FGF12: variants seen among roughly 807,000 people sequenced by gnomAD.
The protein encoded by FGF12 is fibroblast growth factor 12B.
FGF12 carries 14 observed loss-of-function variants against 23.6 expected under a neutral mutation model. The ratio of observed to expected loss-of-function variants is 0.59; its 90% CI spans 0.39 to 0.93. The LOEUF (loss-of-function observed/expected upper bound fraction) is 0.93, where lower values mean the gene tolerates loss of function less well. Among genes scored for constraint, FGF12 ranks in the 40% least tolerant of loss-of-function variants. FGF12 has a pLI of 0.00. For missense variants in FGF12, 175 were observed against 217.8 expected (o/e 0.80, Z 1.24); for synonymous variants, 62 against 77.3 (o/e 0.80, Z 1.04).
intron 2 of FGF12, among the ~76,000 whole-genome samples, chr3:192,725,360 G>A (rs530872541): frequency 2.0e-5 from 3 of 150,850 alleles, no homozygotes; most frequent in Non-Finnish European, 1.5e-5. Flanking sequence ...AAAAGTCTTC[G>A]TTGCCTTTGG....
At chr3:192,147,526 A>C (rs1192173293) in intron 5 of FGF12, among the ~76,000 whole-genome samples, 2 of 152,244 alleles carry the variant, frequency 1.3e-5, no homozygotes, top group African/African-American at 4.8e-5. Flanking sequence ...TGCAAAACGT[A>C]AACGAAAATC....
chr3:192,562,454 A>G (rs976536317), intron 2 of FGF12, among the ~76,000 whole-genome samples: 6 of 152,210 alleles, frequency 3.9e-5, no homozygotes, highest in Non-Finnish European at 7.3e-5. Context: ...GAAGTAAATA[A>G]TAAGAAAAAC....
At chr3:192,428,289 TAGAAAC>T (rs1333155364) in intron 2 of FGF12, among the ~76,000 whole-genome samples, 4 of 152,134 alleles carry the variant, frequency 2.6e-5, no homozygotes, top group Admixed American at 2.6e-4. Flanking sequence ...TTCCTCCTTT[TAGAAAC>T]AGTCAGTTTA....
At chr3:192,304,691 A>G (rs1211498388) in intron 4 of FGF12, among the ~76,000 whole-genome samples, 2 of 152,212 alleles carry the variant, frequency 1.3e-5, no homozygotes, top group Non-Finnish European at 1.5e-5. Flanking sequence ...AACAGGTCAC[A>G]ATGGCCAGTA....
chr3:192,472,432 A>G (rs1406188191), intron 2 of FGF12, among the ~76,000 whole-genome samples: 1 of 152,070 alleles, frequency 6.6e-6, no homozygotes, highest in Non-Finnish European at 1.5e-5. Context: ...ATGAAACTTA[A>G]CATTTCCTTT....
chr3:192,636,675 T>C (rs1715596498), intron 2 of FGF12, among the ~76,000 whole-genome samples: 1 of 152,210 alleles, frequency 6.6e-6, no homozygotes, highest in South Asian at 2.1e-4. Context: ...CTCTGCCTGC[T>C]GAATCCTTCT....
At chr3:192,416,671 T>G (rs1451748716) in intron 2 of FGF12, among the ~76,000 whole-genome samples, 1 of 152,104 alleles carries the variant, frequency 6.6e-6, no homozygotes, top group Non-Finnish European at 1.5e-5. Flanking sequence ...TTAAAAACAT[T>G]GAAGAATTCT....
At chr3:192,433,824 G>T (rs1434859535) in intron 2 of FGF12, among the ~76,000 whole-genome samples, 1 of 152,194 alleles carries the variant, frequency 6.6e-6, no homozygotes, top group Admixed American at 6.5e-5. Flanking sequence ...TCCCCATGGG[G>T]TATGTTCACA....
intron 2 of FGF12, among the ~76,000 whole-genome samples, chr3:192,521,638 T>A (rs757906241): frequency 7.9e-5 from 12 of 152,074 alleles, no homozygotes; most frequent in Non-Finnish European, 1.8e-4. Context: ...CCCTATAAAT[T>A]ATACACATTT....
At chr3:192,498,095 C>T (rs1367445269) in intron 2 of FGF12, among the ~76,000 whole-genome samples, 1 of 152,202 alleles carries the variant, frequency 6.6e-6, no homozygotes, top group African/African-American at 2.4e-5. Flanking sequence ...TCTTTCTCAT[C>T]ACCTTCTATG....
At position 192,204,016 on chromosome 3, in the gene FGF12, TA is replaced by T. The variant is rs201450732; in HGVS notation, c.229-33361del. On this transcript the variant is annotated intron_variant, in intron 4 of 5. Transcript: ENST00000445105. ...TCATTGGCCAAAAAGAATTTGTCGT[TA>T]AAAAAAAAGCAAATCTGTCCGATTT... Among the ~76,000 whole-genome samples, 17 of 150,372 alleles carry T rather than the reference TA, an allele frequency of 1.1e-4. No individual in the cohort carries two copies. The Admixed American group carries it at 1.1e-3, about 10-fold the overall frequency.
intron 4 of FGF12, among the ~76,000 whole-genome samples, chr3:192,264,236 G>A (rs953656968): frequency 2.6e-5 from 4 of 152,096 alleles, no homozygotes; most frequent in Middle Eastern, 6.8e-3. Flanking sequence ...CCAAGCACAC[G>A]ATAACTAAAT....
intron 2 of FGF12, among the ~76,000 whole-genome samples, chr3:192,606,989 T>A (rs1320403305): frequency 6.6e-6 from 1 of 152,074 alleles, no homozygotes; most frequent in Non-Finnish European, 1.5e-5. Context: ...AGAGACAGCT[T>A]CAAGGACAAC....
intron 3 of FGF12, among the ~76,000 whole-genome samples, chr3:192,354,843 T>C (rs911641687): frequency 2.6e-5 from 4 of 152,084 alleles, no homozygotes; most frequent in African/African-American, 9.7e-5. Context: ...GTAGCTGGAA[T>C]TACAGGCATG....
At chr3:192,464,139 T>C (rs1031519908) in intron 2 of FGF12, among the ~76,000 whole-genome samples, 4 of 152,204 alleles carry the variant, frequency 2.6e-5, no homozygotes, top group Admixed American at 2.6e-4. Flanking sequence ...CTGCTGTTGC[T>C]GTTTTTAGTT....
chr3:192,229,571 A>T (rs566555841), intron 4 of FGF12, among the ~76,000 whole-genome samples: 17 of 152,074 alleles, frequency 1.1e-4, no homozygotes, highest in African/African-American at 4.1e-4. Flanking sequence ...GAGGTCAACT[A>T]TCACTATTAA....
intron 4 of FGF12, among the ~76,000 whole-genome samples, chr3:192,260,250 C>G (rs1436261062): frequency 6.6e-6 from 1 of 152,082 alleles, no homozygotes; most frequent in Non-Finnish European, 1.5e-5. Flanking sequence ...TATATCACAG[C>G]CGTATTCATC....
At chr3:192,388,085 C>G (rs1016731438) in intron 2 of FGF12, among the ~76,000 whole-genome samples, 2 of 151,750 alleles carry the variant, frequency 1.3e-5, no homozygotes, top group African/African-American at 4.8e-5. Flanking sequence ...ATAAAGACAC[C>G]CCCATCTGTA....
chr3:192,155,478 A>G (rs917466099), intron 5 of FGF12, among the ~76,000 whole-genome samples: 4 of 152,156 alleles, frequency 2.6e-5, no homozygotes, highest in Non-Finnish European at 5.9e-5. Flanking sequence ...TCTGAATGCA[A>G]TTGAAAGGTG....
Sources: allele counts gnomAD v4.1 joint callset (sites outside exome capture counted in the v4.1 genomes callset), GRCh38; gene constraint gnomAD v4.1.1; transcripts MANE v1.5; gene names NCBI Gene and HGNC (gene_info 2026-07-23, HGNC 2026-07-21).